Variants in FMN2 observed in about 807,000 individuals in gnomAD.
The protein encoded by FMN2 is formin-2.
FMN2 carries 51 observed loss-of-function variants against 142.3 expected under a neutral mutation model. The observed-to-expected ratio is 0.36, with a 90% CI of 0.29 to 0.45. The LOEUF is 0.45. FMN2 is among the 20% of genes least tolerant of loss of function. FMN2 has a pLI of 1.00. For synonymous variants in FMN2, 882 were observed against 869.8 expected (o/e 1.01, Z -0.25); for missense variants, 1,936 against 2,122.8 (o/e 0.91, Z 1.73).
chr1:240,119,173 C>G (rs111581858), intron 1 of FMN2, among the ~76,000 whole-genome samples: 15,390 of 151,890 alleles, frequency 0.1, 894 homozygotes, highest in African/African-American at 0.14. Context: ...ACTAAAGATA[C>G]AAAAAATTAG....
intron 16 of FMN2, among the ~76,000 whole-genome samples, chr1:240,440,104 C>T (rs767473630): frequency 2.6e-5 from 4 of 152,146 alleles, no homozygotes; most frequent in Admixed American, 6.5e-5. Context: ...GTAGCTGGTC[C>T]GATGCACATC....
intron 2 of FMN2, among the ~76,000 whole-genome samples, chr1:240,175,004 G>A (rs12098130): frequency 6.6e-6 from 1 of 151,722 alleles, no homozygotes; most frequent in Non-Finnish European, 1.5e-5. Context: ...TCTCCAATCC[G>A]GGCAACCACC....
intron 8 of FMN2, 33 bp from the exon 9 acceptor site, chr1:240,329,043 C>G (rs369337550): frequency 5.6e-6 from 9 of 1,596,490 alleles, no homozygotes; most frequent in Non-Finnish European, 7.7e-6. Context: ...GTTGGCCAGA[C>G]TTTGAAAAAC....
chr1:240,210,941 A>G, intron 5 of FMN2, 150 bp from the exon 6 acceptor site: 2 of 620,772 alleles, frequency 3.2e-6, no homozygotes, highest in Non-Finnish European at 5.2e-6. Flanking sequence ...GTCTTAAAGA[A>G]AAAGAATATT....
intron 2 of FMN2, among the ~76,000 whole-genome samples, chr1:240,145,594 T>C (rs576107532): frequency 1.5e-5 from 2 of 131,502 alleles, no homozygotes; most frequent in East Asian, 4.7e-4. Flanking sequence ...CAGGCTGGAG[T>C]ACAATGGTGC....
intron 13 of FMN2, among the ~76,000 whole-genome samples, chr1:240,348,213 GT>G (rs1553366757): frequency 6.8e-6 from 1 of 145,986 alleles, no homozygotes; most frequent in Non-Finnish European, 1.5e-5. Flanking sequence ...AGTATATGTT[GT>G]TTTTTTTACT....
At chr1:240,431,402 TTATATA>T (rs35500291) in intron 15 of FMN2, among the ~76,000 whole-genome samples, 1 of 139,198 alleles carries the variant, frequency 7.2e-6, no homozygotes. Context: ...CAACCATGTT[TTATATA>T]TATATATATA....
chr1:240,464,554 T>G (rs1041757566), intron 16 of FMN2, among the ~76,000 whole-genome samples: 3 of 152,158 alleles, frequency 2.0e-5, no homozygotes, highest in African/African-American at 7.2e-5. Flanking sequence ...TAGATACTTA[T>G]CTAATTGTCA....
At chr1:240,271,098 GTT>G (rs56686860) in intron 7 of FMN2, among the ~76,000 whole-genome samples, 2 of 72,238 alleles carry the variant, frequency 2.8e-5, no homozygotes, top group Non-Finnish European at 2.5e-5. Flanking sequence ...TTCCACGATG[GTT>G]TTTTTTTTTT....
rs1000562566 is a variant in FMN2, at chr1:240,473,215, C to T, written c.5142+762C>T. Among the ~76,000 whole-genome samples the T allele has an allele frequency of 3.3e-5, 5 of 152,100 alleles. No individual in the cohort carries two copies. The highest frequency in any genetic ancestry group is 7.3e-5 in the Non-Finnish European group (5 of 68,034). ...ACCCCGTTTATATCCACAGATGGCT[C>T]GGCAGAGTTGGCTGCCGGAGAGTGG... On this transcript the variant is annotated intron_variant, in intron 17 of 17. Coordinates refer to ENST00000319653, the MANE Select transcript of FMN2 (RefSeq NM_020066.5). This position sits in a 1 kb window ranked among gnomAD's most constrained non-coding sequence, Gnocchi z 4.3.
chr1:240,296,065 A>G (rs1288868081), intron 8 of FMN2, among the ~76,000 whole-genome samples: 1 of 152,150 alleles, frequency 6.6e-6, no homozygotes, highest in African/African-American at 2.4e-5. Context: ...GAGAGGTTAG[A>G]TGACTTACTC....
At chr1:240,132,317 G>A (rs545769983) in intron 2 of FMN2, among the ~76,000 whole-genome samples, 31 of 152,232 alleles carry the variant, frequency 2.0e-4, no homozygotes, top group African/African-American at 6.3e-4. Context: ...AATAAATCTC[G>A]TAAATTAAGA....
intron 13 of FMN2, among the ~76,000 whole-genome samples, chr1:240,349,639 T>C (rs1369957525): frequency 6.6e-6 from 1 of 152,208 alleles, no homozygotes. Context: ...TTGGAACCCA[T>C]TGTCTGGTGG....
Position 240,271,098 on chromosome 1 carries a change from G to GCTTTTTTTTTTT in FMN2, c.4153+13066_4153+13067insCTTTTTTTTTTT, listed in dbSNP as rs1233218686. 4.2e-5 allele frequency among the ~76,000 whole-genome samples: 3 copies of GCTTTTTTTTTTT among 72,234 alleles called. 1 individual carries two copies. Among genetic ancestry groups the GCTTTTTTTTTTT allele is most frequent in the Non-Finnish European group, 2.5e-5 (1 of 40,656 alleles). The allele number at this position is 72,234 out of a possible 152,430, so 47.4% of individuals were successfully genotyped here. On this transcript the variant is annotated intron_variant, in intron 7 of 17. Coordinates refer to ENST00000319653, the MANE Select transcript of FMN2 (RefSeq NM_020066.5). ...ACCCCCCTAGGAACTTTCCACGATG[G>GCTTTTTTTTTTT]TTTTTTTTTTTTTTTTTTTGTGACT...
chr1:240,187,562 T>C (rs1665532066), intron 3 of FMN2, among the ~76,000 whole-genome samples: 1 of 152,192 alleles, frequency 6.6e-6, no homozygotes, highest in Non-Finnish European at 1.5e-5. Context: ...AAAGGCCCTT[T>C]TATTTTTAAA....
intron 7 of FMN2, among the ~76,000 whole-genome samples, chr1:240,270,054 G>A (rs1668944506): frequency 6.6e-6 from 1 of 152,014 alleles, no homozygotes; most frequent in African/African-American, 2.4e-5. Context: ...TGGCTAGGAT[G>A]TCCAGTACTA....
chr1:240,400,381 C>T (rs1673936197), intron 15 of FMN2, among the ~76,000 whole-genome samples: 2 of 152,190 alleles, frequency 1.3e-5, no homozygotes, highest in Non-Finnish European at 2.9e-5. Context: ...AACCCAGGGG[C>T]AACTCATGGG....
chr1:240,307,620 C>T (rs997076319), intron 8 of FMN2, among the ~76,000 whole-genome samples: 7 of 152,062 alleles, frequency 4.6e-5, no homozygotes, highest in African/African-American at 1.7e-4. Context: ...ATTTTTGTAC[C>T]ATGCTGTTTT....
At chr1:240,259,365 A>G (rs185552091) in intron 7 of FMN2, among the ~76,000 whole-genome samples, 189 of 152,332 alleles carry the variant, frequency 1.2e-3, no homozygotes, top group Non-Finnish European at 4.7e-4. Flanking sequence ...TTGCTTTAAC[A>G]TGCAACGCTA....
Sources: allele counts gnomAD v4.1 joint callset (sites outside exome capture counted in the v4.1 genomes callset), GRCh38; gene constraint gnomAD v4.1.1; non-coding constraint Gnocchi (gnomAD v3.1); transcripts MANE v1.5; gene names NCBI Gene and HGNC (gene_info 2026-07-23, HGNC 2026-07-21).